Variants in SYN2 observed in about 807,000 individuals in gnomAD.
SYN2 encodes synapsin-2.
In SYN2, 19 loss-of-function variants were observed where a neutral mutation model predicts 50.9. That is an observed-to-expected ratio of 0.37 (90% CI 0.26 to 0.55). The LOEUF (loss-of-function observed/expected upper bound fraction) is 0.55, where lower values mean the gene tolerates loss of function less well. Ranked by LOEUF, SYN2 falls within the 20% of genes least tolerant of loss-of-function variation. The pLI is 0.81. For synonymous variants in SYN2, 255 were observed against 224.9 expected, an observed-to-expected ratio of 1.13 and a Z score of -1.20; for missense variants, 587 against 576.4, an observed-to-expected ratio of 1.02 and a Z score of -0.19.
At chr3:12,137,763 G>A (rs1696927489) in intron 1 of SYN2, among the ~76,000 whole-genome samples, 1 of 152,248 alleles carries the variant, frequency 6.6e-6, no homozygotes, top group African/African-American at 2.4e-5. Context: ...ATATATGTAT[G>A]CAGGTATAGC....
At chr3:12,170,027 G>C in intron 10 of SYN2, 121 bp downstream of exon 10, 1 of 1,246,974 alleles carries the variant, frequency 8.0e-7, no homozygotes, top group Non-Finnish European at 1.1e-6. Flanking sequence ...TGGGATCTAA[G>C]GAGACATCTC....
At chr3:12,066,468 T>C (rs1459816834) in intron 1 of SYN2, among the ~76,000 whole-genome samples, 2 of 152,224 alleles carry the variant, frequency 1.3e-5, no homozygotes, top group Non-Finnish European at 2.9e-5. Flanking sequence ...GGGAGTCTTA[T>C]TAAATTGTAA....
intron 10 of SYN2, among the ~76,000 whole-genome samples, chr3:12,181,913 T>C (rs75719041): frequency 0.031 from 4,746 of 152,182 alleles, 95 homozygotes; most frequent in Non-Finnish European, 0.043. Context: ...CTGTGCCTTA[T>C]GGATCCCAAG....
intron 1 of SYN2, chr3:12,070,733 A>G (rs1695334320): frequency 2.3e-6 from 2 of 858,360 alleles, no homozygotes; most frequent in Non-Finnish European, 3.7e-6. Context: ...GTGCCCATCT[A>G]CGAGGCCTAA....
At chr3:12,018,679 G>T (rs912194464) in intron 1 of SYN2, among the ~76,000 whole-genome samples, 25 of 152,122 alleles carry the variant, frequency 1.6e-4, no homozygotes, top group African/African-American at 5.8e-4. Context: ...GTAACAATTT[G>T]CTATTCTTCT....
At chr3:12,070,476 G>A in intron 1 of SYN2, 1 of 610,938 alleles carries the variant, frequency 1.6e-6, no homozygotes, top group African/African-American at 1.9e-5. Flanking sequence ...CAACTGGGAT[G>A]ACATGAAGAA....
intron 1 of SYN2, among the ~76,000 whole-genome samples, chr3:12,019,593 G>A (rs1694089105): frequency 6.6e-6 from 1 of 152,102 alleles, no homozygotes; most frequent in Non-Finnish European, 1.5e-5. Context: ...GTAGCCTCCA[G>A]ATAACTTATG....
intron 5 of SYN2, among the ~76,000 whole-genome samples, chr3:12,158,186 C>A (rs1443539729): frequency 6.6e-6 from 1 of 152,214 alleles, no homozygotes; most frequent in South Asian, 2.1e-4. Context: ...AGGGGAGAGA[C>A]CTAAGTTAGC....
chr3:12,111,880 C>T (rs1229714254), intron 1 of SYN2, among the ~76,000 whole-genome samples: 1 of 152,098 alleles, frequency 6.6e-6, no homozygotes, highest in African/African-American at 2.4e-5. Context: ...TTTTGGGATG[C>T]CCACGCATTA....
At position 12,184,507 on chromosome 3, in the gene SYN2, C is replaced by A. The variant is rs1206457090; in HGVS notation, c.1369+1135C>A. The A allele has an allele frequency of 4.1e-6, 4 of 985,752 alleles. No homozygotes were observed. The African/African-American group carries it at 5.2e-5, about 13-fold the overall frequency. The allele number at this position is 985,752 out of a possible 1,614,324, so 61.1% of individuals were successfully genotyped here. Reference sequence around the variant, plus strand: ...AATGGGAGACCAAATCAAAAATGTCCCATGTCACTTGAGTGGGTACACTGC... The same window carrying A: ...AATGGGAGACCAAATCAAAAATGTCACATGTCACTTGAGTGGGTACACTGC... On this transcript the variant is annotated intron_variant, in intron 11 of 12. Coordinates refer to ENST00000621198, the MANE Select transcript of SYN2 (RefSeq NM_133625.6).
chr3:12,161,757 AC>A (rs1447847360), intron 6 of SYN2, 149 bp downstream of exon 6: 1 of 1,016,970 alleles, frequency 9.8e-7, no homozygotes, highest in Non-Finnish European at 1.5e-6. Context: ...CATGAGTGTC[AC>A]CCAACCAGAC....
intron 1 of SYN2, among the ~76,000 whole-genome samples, chr3:12,016,437 G>A (rs1049783053): frequency 6.6e-6 from 1 of 152,224 alleles, no homozygotes; most frequent in Non-Finnish European, 1.5e-5. Flanking sequence ...ACAGAATTAG[G>A]ATAGTGTAAT....
At chr3:12,050,147 C>T (rs1443726734) in intron 1 of SYN2, among the ~76,000 whole-genome samples, 2 of 151,954 alleles carry the variant, frequency 1.3e-5, no homozygotes, top group African/African-American at 4.8e-5. Context: ...GCGATTCACC[C>T]GCCTCGGCCT....
chr3:12,181,446 A>G (rs1361652699), intron 10 of SYN2, among the ~76,000 whole-genome samples: 1 of 152,234 alleles, frequency 6.6e-6, no homozygotes, highest in African/African-American at 2.4e-5. Flanking sequence ...GTAGAGGATC[A>G]GGCCTGGACT....
intron 1 of SYN2, among the ~76,000 whole-genome samples, chr3:12,073,697 T>C (rs1695411424): frequency 6.6e-6 from 1 of 152,244 alleles, no homozygotes; most frequent in South Asian, 2.1e-4. Flanking sequence ...TATTGGTTTG[T>C]AATTTATGTT....
intron 1 of SYN2, among the ~76,000 whole-genome samples, chr3:12,094,362 A>G (rs1208624483): frequency 6.6e-6 from 1 of 152,158 alleles, no homozygotes; most frequent in East Asian, 1.9e-4. Flanking sequence ...TATTGAATTC[A>G]TACCCTTTAC....
intron 1 of SYN2, among the ~76,000 whole-genome samples, chr3:12,127,970 G>C (rs1008771746): frequency 6.6e-6 from 1 of 151,594 alleles, no homozygotes; most frequent in Non-Finnish European, 1.5e-5. Context: ...TTTTCAGACA[G>C]CATCTCACTC....
chr3:12,104,716 C>T (rs1447574126), intron 1 of SYN2, among the ~76,000 whole-genome samples: 1 of 151,320 alleles, frequency 6.6e-6, no homozygotes, highest in Non-Finnish European at 1.5e-5. Context: ...GAATTACAGG[C>T]ACCTGCCACT....
chr3:12,088,638 A>T (rs1695761693), intron 1 of SYN2, among the ~76,000 whole-genome samples: 1 of 146,948 alleles, frequency 6.8e-6, no homozygotes, highest in Non-Finnish European at 1.5e-5. Context: ...AAACAATCTA[A>T]GTGTTTGTTA....
Sources: gnomAD v4.1 joint callset for allele counts (sites outside exome capture counted in the v4.1 genomes callset) on GRCh38, gnomAD v4.1.1 for gene constraint, MANE v1.5 for transcripts, NCBI Gene and HGNC (gene_info 2026-07-23, HGNC 2026-07-21) for gene names.